The following CCSER1 variants were observed in gnomAD, a reference collection of about 807,000 sequenced individuals.
CCSER1 encodes serine-rich coiled-coil domain-containing protein 1.
CCSER1 carries 41 observed loss-of-function variants against 82.0 expected under a neutral mutation model. That is an observed-to-expected ratio of 0.50 (90% CI 0.39 to 0.65). The LOEUF (loss-of-function observed/expected upper bound fraction) is 0.65, where lower values mean the gene tolerates loss of function less well. Among genes scored for constraint, CCSER1 ranks in the 30% least tolerant of loss-of-function variants. The probability of loss-of-function intolerance (pLI) is 0.00; values close to 1 mark genes in which losing one functional copy is unlikely to be tolerated. For missense variants in CCSER1, 1,119 were observed against 1,064.2 expected (o/e 1.05, Z -0.72); for synonymous variants, 414 against 383.9 (o/e 1.08, Z -0.92).
At chr4:90,636,024 C>A (rs1020698965) in intron 6 of CCSER1, among the ~76,000 whole-genome samples, 2 of 151,510 alleles carry the variant, frequency 1.3e-5, no homozygotes, top group African/African-American at 4.8e-5. Flanking sequence ...CAAATTGATT[C>A]TTTGAAAAAG....
chr4:91,190,181 T>C (rs1734884306), intron 10 of CCSER1, among the ~76,000 whole-genome samples: 1 of 152,352 alleles, frequency 6.6e-6, no homozygotes, highest in Non-Finnish European at 1.5e-5. Context: ...ATCTCTTAGA[T>C]GACTAGGATG....
At chr4:90,479,401 T>C (rs534072241) in intron 5 of CCSER1, among the ~76,000 whole-genome samples, 347 of 152,330 alleles carry the variant, frequency 2.3e-3, no homozygotes, top group African/African-American at 8.0e-3. Context: ...TTTTATACTT[T>C]AAGTTTTAGG....
chr4:90,164,150 C>T (rs1010228943), intron 1 of CCSER1, among the ~76,000 whole-genome samples: 11 of 151,922 alleles, frequency 7.2e-5, no homozygotes, highest in Non-Finnish European at 1.6e-4. Context: ...CTCAAAATTC[C>T]GTGGCTTATG....
At chr4:90,727,255 T>A in intron 7 of CCSER1, 1 of 456,180 alleles carries the variant, frequency 2.2e-6, no homozygotes. Context: ...CACATGCCAC[T>A]GCATCATTAT....
At chr4:90,800,278 T>TG (rs1240104263) in intron 7 of CCSER1, among the ~76,000 whole-genome samples, 2 of 152,204 alleles carry the variant, frequency 1.3e-5, no homozygotes, top group Non-Finnish European at 2.9e-5. Context: ...ATCATTATTA[T>TG]TTTTTGTAGA....
At chr4:90,163,134 C>A (rs1170902018) in intron 1 of CCSER1, among the ~76,000 whole-genome samples, 1 of 152,018 alleles carries the variant, frequency 6.6e-6, no homozygotes, top group East Asian at 1.9e-4. Flanking sequence ...ATAAAATAAT[C>A]TTTAAATTTA....
chr4:90,155,514 T>A (rs1398950386), intron 1 of CCSER1, among the ~76,000 whole-genome samples: 1 of 152,178 alleles, frequency 6.6e-6, no homozygotes. Context: ...GGTCCTGGAC[T>A]CTTTTTGGTT....
intron 7 of CCSER1, chr4:90,724,920 C>G (rs1743358507): frequency 1.1e-5 from 4 of 370,410 alleles, no homozygotes; most frequent in South Asian, 8.6e-5. Flanking sequence ...ATATTGCTGT[C>G]TTGTTGAAAT....
At chr4:90,414,374 A>G (rs960888439) in intron 4 of CCSER1, among the ~76,000 whole-genome samples, 2 of 151,932 alleles carry the variant, frequency 1.3e-5, no homozygotes, top group African/African-American at 4.8e-5. Context: ...GTGAAATAAT[A>G]CACATTATGT....
At chr4:90,132,004 A>G (rs1348359429) in intron 1 of CCSER1, among the ~76,000 whole-genome samples, 8 of 152,220 alleles carry the variant, frequency 5.3e-5, no homozygotes, top group Admixed American at 5.2e-4. Context: ...AAGAAATTGC[A>G]CAAATATTAG....
chr4:90,311,272 T>G lies in CCSER1; in HGVS notation c.1325-1591T>G, dbSNP rs990122104. Among the ~76,000 whole-genome samples, 6 of 152,156 alleles carry G rather than the reference T, an allele frequency of 3.9e-5. 1 individual carries two copies. Among genetic ancestry groups the G allele is most frequent in the African/African-American group, 1.4e-4 (6 of 41,442 alleles). ...ATTATCCTGACATATCTAATTCTTA[T>G]TTAGTAATGATGACTTTCCTCAAAG... On this transcript the variant is annotated intron_variant, in intron 2 of 10. Coordinates refer to ENST00000509176, the MANE Select transcript of CCSER1 (RefSeq NM_001145065.2).
rs150912492 is a variant in CCSER1, at chr4:90,675,222, T to C, written c.1932+46990T>C. On this transcript the variant is annotated intron_variant, in intron 6 of 10. Coordinates refer to ENST00000509176, the MANE Select transcript of CCSER1 (RefSeq NM_001145065.2). ...AAGTGAAAGAGAAGATCTGTCAAAA[T>C]AGTCAATAAATATCAACTATTATTT... Among the ~76,000 whole-genome samples, 1,312 of 152,140 alleles carry C rather than the reference T, an allele frequency of 8.6e-3. 16 individuals are homozygous for C. Among genetic ancestry groups the C allele is most frequent in the African/African-American group, 0.03 (1,246 of 41,546 alleles).
intron 4 of CCSER1, among the ~76,000 whole-genome samples, chr4:90,404,504 A>G (rs1437442155): frequency 6.6e-6 from 1 of 152,188 alleles, no homozygotes; most frequent in Non-Finnish European, 1.5e-5. Context: ...TCTCTATAGA[A>G]CTGCAGCTGA....
chr4:90,872,302 G>C (rs532589224), intron 8 of CCSER1, among the ~76,000 whole-genome samples: 1 of 151,298 alleles, frequency 6.6e-6, no homozygotes, highest in African/African-American at 2.4e-5. Context: ...TACTTTTTGT[G>C]AAAGTGATTT....
At chr4:90,413,343 A>G (rs1755191265) in intron 4 of CCSER1, among the ~76,000 whole-genome samples, 1 of 152,254 alleles carries the variant, frequency 6.6e-6, no homozygotes, top group Non-Finnish European at 1.5e-5. Context: ...GTGGATGGGT[A>G]GAACCATTAT....
At chr4:90,449,490 C>T (rs1456734306) in intron 4 of CCSER1, among the ~76,000 whole-genome samples, 1 of 152,206 alleles carries the variant, frequency 6.6e-6, no homozygotes, top group African/African-American at 2.4e-5. Flanking sequence ...CTGCTTCCAT[C>T]AACCTGCCAT....
intron 10 of CCSER1, among the ~76,000 whole-genome samples, chr4:91,496,600 T>A (rs1294647765): frequency 0.22 from 4,243 of 19,450 alleles, 1,502 homozygotes; most frequent in Non-Finnish European, 0.37. Flanking sequence ...GAATATATAT[T>A]TGAATATATA....
chr4:90,383,938 A>G (rs919315107), intron 3 of CCSER1, among the ~76,000 whole-genome samples: 1 of 150,844 alleles, frequency 6.6e-6, no homozygotes, highest in African/African-American at 2.4e-5. Context: ...TCTTATTTTT[A>G]TTTTTGTAGA....
intron 5 of CCSER1, among the ~76,000 whole-genome samples, chr4:90,590,593 A>G (rs893154756): frequency 2.6e-5 from 4 of 151,930 alleles, no homozygotes; most frequent in African/African-American, 9.7e-5. Context: ...AAAAAAAAAA[A>G]GATCAGATGG....
Sources: allele counts gnomAD v4.1 joint callset (sites outside exome capture counted in the v4.1 genomes callset), GRCh38; gene constraint gnomAD v4.1.1; transcripts MANE v1.5; gene names NCBI Gene and HGNC (gene_info 2026-07-23, HGNC 2026-07-21).